Variants in LONP2 observed in about 807,000 individuals in gnomAD.
LONP2 encodes lon protease homolog 2, peroxisomal.
LONP2 carries 60 observed loss-of-function variants against 85.6 expected under a neutral mutation model. The observed-to-expected ratio is 0.70, with a 90% confidence interval of 0.57 to 0.87. The LOEUF (loss-of-function observed/expected upper bound fraction) is 0.87. LONP2 is among the 40% of genes least tolerant of loss of function. LONP2 has a pLI of 0.00. For synonymous variants in LONP2, 395 were observed against 389.7 expected (o/e 1.01, Z -0.16); for missense variants, 860 against 1,063.5 (o/e 0.81, Z 2.66).
intron 12 of LONP2, among the ~76,000 whole-genome samples, chr16:48,343,137 C>T (rs1959864429): frequency 6.6e-6 from 1 of 152,130 alleles, no homozygotes. Flanking sequence ...GTCTCAGTGC[C>T]AGGAGGTATT....
At chr16:48,320,159 CAAAAA>C (rs80118943) in intron 11 of LONP2, among the ~76,000 whole-genome samples, 1 of 56,714 alleles carries the variant, frequency 1.8e-5, no homozygotes. Flanking sequence ...GACTCTGTCT[CAAAAA>C]AAAAAAAAAA....
At chr16:48,289,084 C>T (rs1292435786) in intron 8 of LONP2, among the ~76,000 whole-genome samples, 1 of 152,050 alleles carries the variant, frequency 6.6e-6, no homozygotes, top group Non-Finnish European at 1.5e-5. Context: ...ATACCTTTGC[C>T]TATACCCTTT....
At chr16:48,317,373 GT>G (rs1480387280) in intron 11 of LONP2, among the ~76,000 whole-genome samples, 24 of 152,100 alleles carry the variant, frequency 1.6e-4, no homozygotes, top group African/African-American at 5.6e-4. Flanking sequence ...TTGACTAAAT[GT>G]TTTATGATTC....
At chr16:48,269,735 A>T (rs546940729) in intron 6 of LONP2, among the ~76,000 whole-genome samples, 1 of 152,324 alleles carries the variant, frequency 6.6e-6, no homozygotes, top group East Asian at 1.9e-4. Context: ...CAATATGTAG[A>T]AATTAAGAAG....
At chr16:48,282,375 C>T (rs544221611) in intron 8 of LONP2, among the ~76,000 whole-genome samples, 4 of 145,198 alleles carry the variant, frequency 2.8e-5, no homozygotes, top group Non-Finnish European at 4.5e-5. Flanking sequence ...CGCACCATTG[C>T]ACTCCAGCCT....
downstream of LONP2, among the ~76,000 whole-genome samples, chr16:48,359,169 C>T (rs1396283055): frequency 6.6e-6 from 1 of 151,974 alleles, no homozygotes; most frequent in Non-Finnish European, 1.5e-5. Context: ...GACAGGGTTT[C>T]ACCATGTTGG....
At position 48,356,616 on chromosome 16, in the gene LONP2, G is replaced by T; in HGVS notation, c.*4814G>T. 6.8e-6 allele frequency: 2 copies of T among 295,926 alleles called. No homozygotes were observed. The highest frequency in any genetic ancestry group is 4.2e-5 in the Admixed American group (1 of 23,670). The allele number at this position is 295,926 out of a possible 1,614,324, so 18.3% of individuals were successfully genotyped here. A position where few individuals can be genotyped will look rare whatever the true frequency, so the allele number is the denominator to read the frequency against. ...TTTTTTGTTTGTTTTACAAACATTT[G>T]GTGGATACCACAATGAAAACTGCAC... On this transcript the variant is annotated 3_prime_UTR_variant, in exon 15 of 15. Transcript: ENST00000285737.
chr16:48,283,036 A>G (rs1177344435), intron 8 of LONP2, among the ~76,000 whole-genome samples: 1 of 152,236 alleles, frequency 6.6e-6, no homozygotes, highest in Non-Finnish European at 1.5e-5. Flanking sequence ...ATAAAAGATT[A>G]AGCCAACTAC....
chr16:48,347,330 C>G (rs1240037910), intron 12 of LONP2, among the ~76,000 whole-genome samples, 177 bp from the exon 13 acceptor site: 1 of 152,168 alleles, frequency 6.6e-6, no homozygotes, highest in East Asian at 1.9e-4. Context: ...GGTCTTTCTT[C>G]TGGCAGAAAG....
intron 1 of LONP2, among the ~76,000 whole-genome samples, chr16:48,245,909 T>TAC (rs1303318055): frequency 6.6e-6 from 1 of 152,158 alleles, no homozygotes; most frequent in Non-Finnish European, 1.5e-5. Flanking sequence ...TTCCTAACTC[T>TAC]ACTGGAGGTG....
chr16:48,346,755 A>G (rs1044034166), intron 12 of LONP2, among the ~76,000 whole-genome samples: 20 of 152,254 alleles, frequency 1.3e-4, no homozygotes, highest in African/African-American at 4.6e-4. Flanking sequence ...TGCATGGCCA[A>G]GCTCACTCTT....
rs541332821 is a variant in LONP2, at chr16:48,295,933, G to A, written c.1384-82G>A. Reference sequence around the variant, plus strand: ...CTGAGCAGAAATACCAACCTTGCCAGTACATCATGTGTGTTTTCACTTATA... The same window carrying A: ...CTGAGCAGAAATACCAACCTTGCCAATACATCATGTGTGTTTTCACTTATA... On this transcript the variant is annotated intron_variant, in intron 8 of 14. Coordinates refer to ENST00000285737, the MANE Select transcript of LONP2 (RefSeq NM_031490.5). The A allele has an allele frequency of 3.8e-6, 5 of 1,313,290 alleles. No homozygotes were observed. In the African/African-American group the frequency reaches 5.9e-5, roughly 16 times the overall value. 81.4% of individuals were successfully genotyped at this position (1,313,290 alleles called of 1,614,324 possible).
At chr16:48,306,698 C>T (rs1291830804) in intron 11 of LONP2, among the ~76,000 whole-genome samples, 9 of 151,976 alleles carry the variant, frequency 5.9e-5, no homozygotes. Flanking sequence ...TATTAGGTGT[C>T]CTGAATTGTT....
intron 8 of LONP2, among the ~76,000 whole-genome samples, chr16:48,277,857 A>G (rs1047011559): frequency 3.5e-5 from 5 of 142,000 alleles, no homozygotes; most frequent in South Asian, 4.4e-4. Flanking sequence ...GATTAACCCT[A>G]TTTTCAAAAT....
intron 9 of LONP2, among the ~76,000 whole-genome samples, chr16:48,297,633 T>G (rs1596960008): frequency 6.6e-6 from 1 of 152,330 alleles, no homozygotes; most frequent in Non-Finnish European, 1.5e-5. Flanking sequence ...ATTCTAAATG[T>G]AATCTAAATG....
intron 11 of LONP2, among the ~76,000 whole-genome samples, chr16:48,308,553 G>C (rs1972960582): frequency 6.6e-6 from 1 of 151,750 alleles, no homozygotes; most frequent in South Asian, 2.1e-4. Flanking sequence ...CTTGAACCCA[G>C]GAGGCGGATG....
intron 11 of LONP2, among the ~76,000 whole-genome samples, chr16:48,312,962 A>G (rs994628712): frequency 2.6e-5 from 4 of 152,310 alleles, no homozygotes; most frequent in Admixed American, 2.6e-4. Context: ...AGCCAAGCTC[A>G]TGTTTGAGCC....
At chr16:48,254,302 G>A (rs1971712029) in intron 2 of LONP2, among the ~76,000 whole-genome samples, 1 of 151,818 alleles carries the variant, frequency 6.6e-6, no homozygotes, top group South Asian at 2.1e-4. Context: ...TTCACATTGA[G>A]TTATTTTATG....
At chr16:48,348,879 C>G (rs926501442) in intron 14 of LONP2, among the ~76,000 whole-genome samples, 1 of 152,110 alleles carries the variant, frequency 6.6e-6, no homozygotes, top group South Asian at 2.1e-4. Flanking sequence ...AAATTTGAGG[C>G]CTTGTTCTAC....
Sources: gnomAD v4.1 joint callset for allele counts (sites outside exome capture counted in the v4.1 genomes callset) on GRCh38, gnomAD v4.1.1 for gene constraint, MANE v1.5 for transcripts, NCBI Gene and HGNC (gene_info 2026-07-23, HGNC 2026-07-21) for gene names.